Variants in BRINP3 observed in about 807,000 individuals in gnomAD.
BRINP3 encodes the protein BMP/retinoic acid-inducible neural-specific protein 3.
BRINP3 carries 19 observed loss-of-function variants against 71.0 expected under a neutral mutation model. The observed-to-expected ratio is 0.27, with a 90% CI of 0.19 to 0.39. The LOEUF is 0.39. Ranked by LOEUF, BRINP3 falls within the 10% of genes least tolerant of loss-of-function variation. The probability of loss-of-function intolerance (pLI) is 1.00; values close to 1 mark genes in which losing one functional copy is unlikely to be tolerated. For missense variants in BRINP3, 959 were observed against 940.8 expected (o/e 1.02, Z -0.25); for synonymous variants, 380 against 337.7 (o/e 1.13, Z -1.37).
intron 2 of BRINP3, among the ~76,000 whole-genome samples, chr1:190,289,519 T>G (rs900908649): frequency 6.6e-6 from 1 of 151,916 alleles, no homozygotes; most frequent in Non-Finnish European, 1.5e-5. Flanking sequence ...AGGTATAAAT[T>G]TTTTATTCCC....
intron 2 of BRINP3, among the ~76,000 whole-genome samples, chr1:190,295,910 G>T (rs908250167): frequency 1.3e-5 from 2 of 152,066 alleles, no homozygotes; most frequent in Non-Finnish European, 2.9e-5. Flanking sequence ...CAGGCACTGT[G>T]ATTAATTTTG....
intron 1 of BRINP3, among the ~76,000 whole-genome samples, chr1:190,458,366 C>A (rs1309896139): frequency 6.6e-6 from 1 of 152,010 alleles, no homozygotes; most frequent in Non-Finnish European, 1.5e-5. Context: ...TGTTTAAGAA[C>A]TTTTTTCACA....
chr1:190,208,126 AT>A (rs1013793469), intron 6 of BRINP3, among the ~76,000 whole-genome samples: 2 of 149,332 alleles, frequency 1.3e-5, no homozygotes, highest in African/African-American at 4.9e-5. Flanking sequence ...TTTTTTTTTT[AT>A]TTTTTTTATT....
intron 6 of BRINP3, among the ~76,000 whole-genome samples, chr1:190,182,583 C>G (rs149089527): frequency 3.7e-3 from 558 of 152,084 alleles, no homozygotes; most frequent in Non-Finnish European, 6.6e-3. Context: ...AAAAATTAAC[C>G]TTGTCCACAG....
At chr1:190,143,163 T>C (rs1026008575) in intron 7 of BRINP3, among the ~76,000 whole-genome samples, 2 of 152,196 alleles carry the variant, frequency 1.3e-5, no homozygotes, top group Non-Finnish European at 2.9e-5. Context: ...GCAAGTAGCC[T>C]ATATACTTGT....
intron 6 of BRINP3, among the ~76,000 whole-genome samples, chr1:190,224,187 T>A (rs1339301714): frequency 1.3e-5 from 2 of 151,190 alleles, no homozygotes; most frequent in Non-Finnish European, 3.0e-5. Flanking sequence ...ACTAAAGTAA[T>A]CATGAGCAAA....
chr1:190,156,613 C>T (rs546493849), intron 7 of BRINP3, among the ~76,000 whole-genome samples: 5 of 151,062 alleles, frequency 3.3e-5, no homozygotes, highest in South Asian at 4.2e-4. Flanking sequence ...AAAAGAAAAA[C>T]GGGGATGGAA....
At chr1:190,184,774 T>A (rs1653360196) in intron 6 of BRINP3, among the ~76,000 whole-genome samples, 1 of 152,124 alleles carries the variant, frequency 6.6e-6, no homozygotes, top group South Asian at 2.1e-4. Flanking sequence ...TTTGGAAAAC[T>A]ACCTATCATA....
intron 2 of BRINP3, among the ~76,000 whole-genome samples, chr1:190,386,418 A>T (rs867613954): frequency 2.7e-4 from 41 of 151,740 alleles, no homozygotes; most frequent in African/African-American, 8.2e-4. Context: ...ACCAGATTTT[A>T]AAAAAATGTA....
chr1:190,148,265 T>C (rs1434686955), intron 7 of BRINP3, among the ~76,000 whole-genome samples: 1 of 151,956 alleles, frequency 6.6e-6, no homozygotes, highest in Non-Finnish European at 1.5e-5. Flanking sequence ...TGCTGTATAT[T>C]TTTACTCTCA....
intron 2 of BRINP3, among the ~76,000 whole-genome samples, chr1:190,379,110 C>A (rs1232484246): frequency 6.6e-6 from 1 of 152,144 alleles, no homozygotes; most frequent in Non-Finnish European, 1.5e-5. Flanking sequence ...AAAAGCTGAC[C>A]TGCTGAAAAC....
chr1:190,401,380 A>C (rs888926908), intron 2 of BRINP3, among the ~76,000 whole-genome samples: 3 of 150,140 alleles, frequency 2.0e-5, no homozygotes, highest in East Asian at 3.9e-4. Flanking sequence ...TCAAAACAAA[A>C]AAAAAAAAAA....
intron 6 of BRINP3, among the ~76,000 whole-genome samples, chr1:190,213,338 G>C (rs1217217268): frequency 6.6e-6 from 1 of 151,996 alleles, no homozygotes; most frequent in African/African-American, 2.4e-5. Context: ...CAACAGACAA[G>C]TGATATGAAC....
At chr1:190,289,093 C>A (rs1663656109) in intron 2 of BRINP3, among the ~76,000 whole-genome samples, 1 of 151,770 alleles carries the variant, frequency 6.6e-6, no homozygotes. Flanking sequence ...TAAATTACAA[C>A]TTCACATATT....
intron 2 of BRINP3, among the ~76,000 whole-genome samples, chr1:190,408,207 T>C (rs55888379): frequency 3.5e-5 from 1 of 28,886 alleles, no homozygotes; most frequent in Non-Finnish European, 1.2e-4. Flanking sequence ...TTATTTATTT[T>C]TTTTTTTTTT....
chr1:190,150,080 G>A (rs934819951), intron 7 of BRINP3, among the ~76,000 whole-genome samples: 1 of 151,846 alleles, frequency 6.6e-6, no homozygotes, highest in Admixed American at 6.6e-5. Context: ...GATTTGTGCT[G>A]GTATGCATCT....
At chr1:190,215,830 A>G (rs999655219) in intron 6 of BRINP3, among the ~76,000 whole-genome samples, 17 of 152,026 alleles carry the variant, frequency 1.1e-4, no homozygotes, top group African/African-American at 3.9e-4. Context: ...ACAGCATACA[A>G]TACACCTTAG....
At chr1:190,213,682 A>T (rs1656174703) in intron 6 of BRINP3, among the ~76,000 whole-genome samples, 1 of 152,132 alleles carries the variant, frequency 6.6e-6, no homozygotes, top group South Asian at 2.1e-4. Flanking sequence ...GTCCAATAAA[A>T]GTTGTGGTAC....
chr1:190,135,621 A>T (rs2102367952), intron 7 of BRINP3, among the ~76,000 whole-genome samples: 1 of 152,248 alleles, frequency 6.6e-6, no homozygotes, highest in African/African-American at 2.4e-5. Flanking sequence ...TAATAAAATT[A>T]CCAATGATAC....
Sources: gnomAD v4.1 joint callset for allele counts (sites outside exome capture counted in the v4.1 genomes callset) on GRCh38, gnomAD v4.1.1 for gene constraint, MANE v1.5 for transcripts, NCBI Gene and HGNC (gene_info 2026-07-23, HGNC 2026-07-21) for gene names.